The following ROR1 variants were observed in gnomAD, a reference collection of about 807,000 sequenced individuals.
The protein encoded by ROR1 is inactive tyrosine-protein kinase transmembrane receptor ROR1.
Under a neutral mutation model 78.8 loss-of-function variants are expected in ROR1, and 19 were observed. The ratio of observed to expected loss-of-function variants is 0.24; its 90% CI spans 0.17 to 0.35. ROR1 has a LOEUF of 0.35. ROR1 is among the 10% of genes least tolerant of loss of function. The pLI is 1.00. For missense variants in ROR1, 917 were observed against 1,177.8 expected, an observed-to-expected ratio of 0.78 and a Z score of 3.24; for synonymous variants, 386 against 433.6, an observed-to-expected ratio of 0.89 and a Z score of 1.36.
At chr1:64,144,073 A>C (rs1336163741) in intron 7 of ROR1, among the ~76,000 whole-genome samples, 3 of 152,200 alleles carry the variant, frequency 2.0e-5, no homozygotes, top group Non-Finnish European at 4.4e-5. Flanking sequence ...ACACGTGGGC[A>C]GATTCTGGAT....
chr1:64,153,558 A>G (rs996726894), intron 7 of ROR1, among the ~76,000 whole-genome samples: 1 of 152,220 alleles, frequency 6.6e-6, no homozygotes, highest in Admixed American at 6.5e-5. Flanking sequence ...CAAACAATGG[A>G]ATATTATTCA....
intron 1 of ROR1, among the ~76,000 whole-genome samples, chr1:63,910,748 C>G (rs1645563717): frequency 1.3e-5 from 2 of 152,176 alleles, no homozygotes; most frequent in African/African-American, 4.8e-5. Flanking sequence ...ATCCATGTGA[C>G]TCCCAGACTG....
At chr1:64,019,889 A>G (rs1021812290) in intron 2 of ROR1, among the ~76,000 whole-genome samples, 1 of 152,200 alleles carries the variant, frequency 6.6e-6, no homozygotes, top group African/African-American at 2.4e-5. Context: ...TAAATTAAGG[A>G]TCTTGAGATG....
intron 1 of ROR1, among the ~76,000 whole-genome samples, chr1:63,938,534 C>T (rs1645811169): frequency 6.6e-6 from 1 of 152,164 alleles, no homozygotes; most frequent in South Asian, 2.1e-4. Flanking sequence ...TGCCCACTTG[C>T]TCCCCACTGT....
chr1:63,954,309 A>G (rs1010581101), intron 1 of ROR1, among the ~76,000 whole-genome samples: 8 of 152,198 alleles, frequency 5.3e-5, no homozygotes, highest in African/African-American at 1.9e-4. Context: ...TGAGGGCACA[A>G]CCTAGATACT....
At chr1:64,084,971 A>G (rs6698828) in intron 4 of ROR1, among the ~76,000 whole-genome samples, 1 of 152,072 alleles carries the variant, frequency 6.6e-6, no homozygotes, top group Non-Finnish European at 1.5e-5. Context: ...AGTTTCAAAT[A>G]ATTTTATGAA....
At chr1:63,935,510 G>A (rs1645787369) in intron 1 of ROR1, among the ~76,000 whole-genome samples, 1 of 152,002 alleles carries the variant, frequency 6.6e-6, no homozygotes, top group Admixed American at 6.6e-5. Context: ...ACCCCAAAAA[G>A]TTATTAAAAC....
At chr1:64,035,033 T>C (rs936205529) in intron 2 of ROR1, among the ~76,000 whole-genome samples, 2 of 152,154 alleles carry the variant, frequency 1.3e-5, no homozygotes, top group African/African-American at 2.4e-5. Flanking sequence ...TCTTCAGGAA[T>C]TGGTGTGGGA....
At chr1:64,139,610 G>A (rs550612896) in intron 5 of ROR1, among the ~76,000 whole-genome samples, 19 of 152,286 alleles carry the variant, frequency 1.2e-4, no homozygotes, top group African/African-American at 3.6e-4. Context: ...AGAAGATGGA[G>A]TAGAAAGTAT....
At chr1:63,790,240 G>A (rs1644717426) in intron 1 of ROR1, among the ~76,000 whole-genome samples, 1 of 152,188 alleles carries the variant, frequency 6.6e-6, no homozygotes, top group Admixed American at 6.5e-5. Flanking sequence ...CTGAGCCTGG[G>A]CCAGTTGAAT....
chr1:64,120,885 T>C (rs1410865389), intron 4 of ROR1, among the ~76,000 whole-genome samples: 3 of 152,194 alleles, frequency 2.0e-5, no homozygotes, highest in Admixed American at 6.5e-5. Context: ...TTCCCTCCAG[T>C]CTAGAGGAGG....
At chr1:63,953,509 C>T (rs1645958025) in intron 1 of ROR1, among the ~76,000 whole-genome samples, 1 of 152,156 alleles carries the variant, frequency 6.6e-6, no homozygotes, top group African/African-American at 2.4e-5. Flanking sequence ...TATACTGTAC[C>T]ACATGTAACT....
Position 64,009,474 on chromosome 1 carries a change from A to G in ROR1, c.163+98A>G. On this transcript the variant is annotated intron_variant, in intron 2 of 8. Coordinates refer to ENST00000371079, the MANE Select transcript of ROR1 (RefSeq NM_005012.4). ...TTTGAAATCAACTGTTTTTCAGATCACTGCAAGGAGGTGGGGGCCAAAATA... is the reference window on the plus strand; with the variant it reads ...TTTGAAATCAACTGTTTTTCAGATCGCTGCAAGGAGGTGGGGGCCAAAATA... 3.3e-6 allele frequency: 3 copies of G among 914,954 alleles called. No homozygotes were observed. The South Asian group carries it at 4.3e-5, about 13-fold the overall frequency. 56.7% of individuals were successfully genotyped at this position (914,954 alleles called of 1,614,324 possible).
intron 4 of ROR1, among the ~76,000 whole-genome samples, chr1:64,128,987 T>C (rs919064440): frequency 2.0e-5 from 3 of 152,192 alleles, no homozygotes; most frequent in African/African-American, 4.8e-5. Flanking sequence ...TTAATGTGAA[T>C]TGCTGCTTCT....
At chr1:63,811,960 G>GT (rs568040372) in intron 1 of ROR1, among the ~76,000 whole-genome samples, 15,371 of 123,980 alleles carry the variant, frequency 0.12, 2,616 homozygotes, top group African/African-American at 0.36. Flanking sequence ...AACCAGAGGT[G>GT]TTTTTTTTTT....
At chr1:63,798,515 C>G (rs184408980) in intron 1 of ROR1, among the ~76,000 whole-genome samples, 1 of 152,036 alleles carries the variant, frequency 6.6e-6, no homozygotes, top group Non-Finnish European at 1.5e-5. Context: ...GCATGCAGTC[C>G]GCTGCCATAG....
intron 1 of ROR1, among the ~76,000 whole-genome samples, chr1:63,990,528 T>G (rs1332889782): frequency 6.6e-6 from 1 of 152,160 alleles, no homozygotes; most frequent in Admixed American, 6.5e-5. Context: ...TAAATGTCTT[T>G]TCTTTATGAG....
intron 1 of ROR1, among the ~76,000 whole-genome samples, chr1:63,825,564 G>A (rs1644948079): frequency 6.6e-6 from 1 of 152,178 alleles, no homozygotes; most frequent in Non-Finnish European, 1.5e-5. Flanking sequence ...AGAACTTTTG[G>A]GGATGACGGA....
At chr1:64,014,704 G>A (rs1646502814) in intron 2 of ROR1, among the ~76,000 whole-genome samples, 1 of 47,232 alleles carries the variant, frequency 2.1e-5, no homozygotes, top group African/African-American at 5.9e-5. Context: ...AGTTCTCTGT[G>A]CTGACAGACT....
Sources: gnomAD v4.1 joint callset for allele counts (sites outside exome capture counted in the v4.1 genomes callset) on GRCh38, gnomAD v4.1.1 for gene constraint, MANE v1.5 for transcripts, NCBI Gene and HGNC (gene_info 2026-07-23, HGNC 2026-07-21) for gene names.